ANO10: variants seen among roughly 807,000 people sequenced by gnomAD.
ANO10 encodes the protein anoctamin-10.
Under a neutral mutation model 74.7 loss-of-function variants are expected in ANO10, and 77 were observed. The observed-to-expected ratio is 1.03, with a 90% confidence interval of 0.86 to 1.25. The LOEUF is 1.25. Among genes scored for constraint, ANO10 ranks in the 50% most tolerant of loss-of-function variants. The probability of loss-of-function intolerance (pLI) is 0.00; values close to 1 mark genes in which losing one functional copy is unlikely to be tolerated. For missense variants in ANO10, 721 were observed against 778.1 expected, an observed-to-expected ratio of 0.93 and a Z score of 0.87; for synonymous variants, 279 against 284.9, an observed-to-expected ratio of 0.98 and a Z score of 0.21.
chr3:43,375,495 AT>A (rs564481043), intron 12 of ANO10, among the ~76,000 whole-genome samples: 64 of 148,392 alleles, frequency 4.3e-4, no homozygotes, highest in South Asian at 6.4e-4. Flanking sequence ...GTCCTTGATG[AT>A]TTTTTTTTTT....
At chr3:43,599,859 T>C (rs1044846048) in intron 3 of ANO10, among the ~76,000 whole-genome samples, 2 of 149,948 alleles carry the variant, frequency 1.3e-5, no homozygotes, top group Admixed American at 6.7e-5. Context: ...TGAGCCGAGA[T>C]AGCACCACTG....
chr3:43,368,239 T>C (rs2091476784), intron 12 of ANO10, among the ~76,000 whole-genome samples: 2 of 152,098 alleles, frequency 1.3e-5, no homozygotes, highest in East Asian at 3.9e-4. Context: ...AGATGGCTTT[T>C]GATGAGAAAG....
At chr3:43,646,437 T>C (rs1246360030) in intron 1 of ANO10, among the ~76,000 whole-genome samples, 1 of 152,232 alleles carries the variant, frequency 6.6e-6, no homozygotes, top group African/African-American at 2.4e-5. Flanking sequence ...TGAATTCGTC[T>C]TTGAGTTAGA....
chr3:43,551,851 T>C (rs77097499), intron 10 of ANO10, among the ~76,000 whole-genome samples: 2 of 152,348 alleles, frequency 1.3e-5, no homozygotes, highest in African/African-American at 4.8e-5. Context: ...AGAGACAGCA[T>C]ATACTTCAGT....
chr3:43,491,964 A>T (rs1278163439), intron 11 of ANO10, among the ~76,000 whole-genome samples: 2 of 152,190 alleles, frequency 1.3e-5, no homozygotes, highest in African/African-American at 4.8e-5. Context: ...TACAGCTCCC[A>T]GAGAGATCAA....
chr3:43,578,011 T>C (rs2081093148), intron 5 of ANO10, among the ~76,000 whole-genome samples: 1 of 152,182 alleles, frequency 6.6e-6, no homozygotes, highest in Non-Finnish European at 1.5e-5. Context: ...AAGAGCATCT[T>C]GTACCAGGAC....
intron 1 of ANO10, among the ~76,000 whole-genome samples, chr3:43,656,413 G>A (rs1245000611): frequency 6.6e-6 from 1 of 152,246 alleles, no homozygotes; most frequent in Non-Finnish European, 1.5e-5. Flanking sequence ...TGCCAGTCCT[G>A]TGCCGTGCGC....
chr3:43,503,534 T>C (rs546906165), intron 11 of ANO10, among the ~76,000 whole-genome samples: 10 of 152,288 alleles, frequency 6.6e-5, no homozygotes, highest in Admixed American at 5.9e-4. Context: ...TAAGCAGCCA[T>C]GAATGAAGAG....
chr3:43,478,394 C>A (rs1261033800), intron 11 of ANO10, among the ~76,000 whole-genome samples: 1 of 152,190 alleles, frequency 6.6e-6, no homozygotes, highest in Non-Finnish European at 1.5e-5. Flanking sequence ...AAAGTAGGGA[C>A]TTTAACCACC....
chr3:43,532,170 T>C (rs1046908716), intron 11 of ANO10, among the ~76,000 whole-genome samples: 9 of 152,192 alleles, frequency 5.9e-5, no homozygotes, highest in African/African-American at 1.9e-4. Flanking sequence ...AAAGGTCCCA[T>C]AGTCAAAAGG....
intron 1 of ANO10, among the ~76,000 whole-genome samples, chr3:43,606,167 T>C (rs12496956): frequency 0.022 from 3,376 of 152,270 alleles, 265 homozygotes; most frequent in Admixed American, 0.15. Context: ...TAAGAAAGTA[T>C]TTTCAAAGAA....
At chr3:43,449,710 CG>C (rs1423712464) in intron 11 of ANO10, among the ~76,000 whole-genome samples, 5 of 149,048 alleles carry the variant, frequency 3.4e-5, no homozygotes, top group Non-Finnish European at 7.5e-5. Flanking sequence ...CAGCAAGTTT[CG>C]AAGTTGGTTA....
chr3:43,472,070 A>C (rs1355397341), intron 11 of ANO10, among the ~76,000 whole-genome samples: 1 of 152,258 alleles, frequency 6.6e-6, no homozygotes, highest in African/African-American at 2.4e-5. Flanking sequence ...AAAAAGGAAC[A>C]AACTATTGAT....
intron 1 of ANO10, among the ~76,000 whole-genome samples, chr3:43,665,005 A>G (rs991392922): frequency 6.6e-6 from 1 of 152,200 alleles, no homozygotes; most frequent in Non-Finnish European, 1.5e-5. Flanking sequence ...TATCATGTGA[A>G]CCAGCAATCC....
chr3:43,428,403 A>C (rs1267380943), intron 12 of ANO10, among the ~76,000 whole-genome samples: 1 of 152,106 alleles, frequency 6.6e-6, no homozygotes, highest in Non-Finnish European at 1.5e-5. Flanking sequence ...AATTTAGTGG[A>C]GACAGGGAGG....
intron 1 of ANO10, among the ~76,000 whole-genome samples, chr3:43,644,907 T>A (rs2083710521): frequency 1.3e-5 from 2 of 152,244 alleles, no homozygotes. Context: ...GAGGCCCTCT[T>A]GAACCCTTTT....
chr3:43,443,716 T>C (rs527310402), intron 11 of ANO10, among the ~76,000 whole-genome samples: 1 of 149,974 alleles, frequency 6.7e-6, no homozygotes, highest in South Asian at 2.1e-4. Flanking sequence ...GTTTCACTCT[T>C]GTTGCCCAGG....
chr3:43,413,404 G>T (rs2092694008), intron 12 of ANO10, among the ~76,000 whole-genome samples: 1 of 151,932 alleles, frequency 6.6e-6, no homozygotes, highest in South Asian at 2.1e-4. Flanking sequence ...ATCCCTAATG[G>T]CTCGGTGCTG....
intron 1 of ANO10, among the ~76,000 whole-genome samples, chr3:43,681,549 A>G (rs1014781344): frequency 6.6e-6 from 1 of 152,194 alleles, no homozygotes; most frequent in Non-Finnish European, 1.5e-5. Flanking sequence ...GATATCCAGG[A>G]ATTGAACTCA....
Sources: allele counts gnomAD v4.1 joint callset (sites outside exome capture counted in the v4.1 genomes callset), GRCh38; gene constraint gnomAD v4.1.1; transcripts MANE v1.5; gene names NCBI Gene and HGNC (gene_info 2026-07-23, HGNC 2026-07-21).